Variants in DPYD observed in about 807,000 individuals in gnomAD.
DPYD encodes dihydropyrimidine dehydrogenase, also known as dihydropyrimidine dehydrogenase [NADP(+)].
DPYD carries 109 observed loss-of-function variants against 116.2 expected under a neutral mutation model. The observed-to-expected ratio is 0.94, with a 90% CI of 0.80 to 1.10. The LOEUF is 1.10. Ranked by LOEUF, DPYD falls within the 50% of genes least tolerant of loss-of-function variation. DPYD has a pLI of 0.00. For synonymous variants in DPYD, 440 were observed against 432.0 expected (o/e 1.02, Z -0.23); for missense variants, 1,302 against 1,254.5 (o/e 1.04, Z -0.57).
chr1:97,556,241 C>A (rs1254163966), intron 11 of DPYD, among the ~76,000 whole-genome samples: 1 of 152,180 alleles, frequency 6.6e-6, no homozygotes, highest in African/African-American at 2.4e-5. Flanking sequence ...GTCTTTTAGC[C>A]TGGCTTCTGT....
At chr1:97,768,700 C>A (rs561852548) in intron 3 of DPYD, among the ~76,000 whole-genome samples, 1 of 152,168 alleles carries the variant, frequency 6.6e-6, no homozygotes, top group African/African-American at 2.4e-5. Context: ...TGGCTAAAAA[C>A]TGATTTTCAT....
chr1:97,234,912 A>G lies in DPYD; in HGVS notation c.2382T>C (p.Gly794=). 1 of 1,614,082 alleles carries G rather than the reference A, an allele frequency of 6.2e-7. No individual in the cohort carries two copies. The highest frequency in any genetic ancestry group is 1.6e-4 in the Middle Eastern group (1 of 6,062). ...ALPGFPILAT[G]GIDSAESGLQ... is the part of the protein sequence containing the mutation. The stretch of plus-strand genomic sequence containing the variant: ...GACCACTTTCAGCAGAGTCAATTCC[A>G]CCAGTAGCCAAAATGGGAAATCCAG... Residue 794 remains glycine (G), a synonymous_variant, in exon 19 of 23, where the codon GGT becomes GGC. Coordinates refer to ENST00000370192, the MANE Select transcript of DPYD (RefSeq NM_000110.4).
chr1:97,529,691 TCTTTC>T (rs1017572773), intron 12 of DPYD, among the ~76,000 whole-genome samples: 56 of 150,848 alleles, frequency 3.7e-4, no homozygotes, highest in African/African-American at 1.3e-3. Context: ...TTCTTTTCTT[TCTTTC>T]CTTTCTTTTT....
intron 10 of DPYD, among the ~76,000 whole-genome samples, chr1:97,577,560 C>G (rs1653347836): frequency 6.6e-6 from 1 of 152,102 alleles, no homozygotes. Context: ...TCCATGCACT[C>G]CTAACCTCCG....
chr1:97,813,131 T>G (rs1668414708), intron 3 of DPYD, among the ~76,000 whole-genome samples: 1 of 152,166 alleles, frequency 6.6e-6, no homozygotes, highest in African/African-American at 2.4e-5. Flanking sequence ...TTAAATTATT[T>G]AATATAGCTT....
chr1:97,662,525 C>A (rs542241015), intron 8 of DPYD, among the ~76,000 whole-genome samples: 3 of 151,722 alleles, frequency 2.0e-5, no homozygotes, highest in Non-Finnish European at 4.4e-5. Flanking sequence ...CCCAGCTATT[C>A]GGGAAGCTGA....
intron 8 of DPYD, among the ~76,000 whole-genome samples, chr1:97,652,764 G>A (rs2786507): frequency 0.11 from 16,047 of 152,086 alleles, 987 homozygotes; most frequent in Admixed American, 0.15. Context: ...AAACTCAGAT[G>A]CTTTTTCACT....
At position 97,398,679 on chromosome 1, in the gene DPYD, C is replaced by A. The variant is rs561672022; in HGVS notation, c.1906-16218G>T. ...GGTATCTCATTGTGGTTTTGATTTGCATTTCTCTGATGGCCAGTGATGATG... is the reference window on the plus strand; with the variant it reads ...GGTATCTCATTGTGGTTTTGATTTGAATTTCTCTGATGGCCAGTGATGATG... On this transcript the variant is annotated intron_variant, in intron 14 of 22. Coordinates refer to ENST00000370192, the MANE Select transcript of DPYD (RefSeq NM_000110.4). 6.2e-4 allele frequency among the ~76,000 whole-genome samples: 95 copies of A among 152,282 alleles called. 1 individual carries two copies. Among genetic ancestry groups the A allele is most frequent in the South Asian group, 2.1e-3 (10 of 4,814 alleles).
At chr1:97,107,199 T>C (rs1190200125) in intron 20 of DPYD, among the ~76,000 whole-genome samples, 2 of 152,134 alleles carry the variant, frequency 1.3e-5, no homozygotes, top group African/African-American at 4.8e-5. Context: ...TTGTTGGTCA[T>C]CTTTCTGCAG....
chr1:97,913,710 C>T lies in DPYD; in HGVS notation c.39+7174G>A, dbSNP rs150215855. 6.7e-3 allele frequency among the ~76,000 whole-genome samples: 1,012 copies of T among 151,974 alleles called. 8 individuals are homozygous for T. Among genetic ancestry groups the T allele is most frequent in the Middle Eastern group, 0.031 (9 of 294 alleles). On this transcript the variant is annotated intron_variant, in intron 1 of 22. Transcript: ENST00000370192. ...GAATTTCATAAAGATTAAGATCTACCGGGTGAGTCAATTCTGTGTAGGTAC... is the reference window on the plus strand; with the variant it reads ...GAATTTCATAAAGATTAAGATCTACTGGGTGAGTCAATTCTGTGTAGGTAC...
intron 20 of DPYD, among the ~76,000 whole-genome samples, chr1:97,144,579 T>C (rs531201852): frequency 6.6e-6 from 1 of 152,320 alleles, no homozygotes; most frequent in Non-Finnish European, 1.5e-5. Flanking sequence ...AGTGTTCCCA[T>C]TTCTACAATA....
In DPYD at chr1:97,856,290, T is replaced by A. The variant is rs551234744; in HGVS notation, c.150+26974A>T. 7.9e-5 allele frequency: 12 copies of A among 152,242 alleles called. No homozygotes were observed. In the East Asian group the frequency reaches 1.5e-3, roughly 20 times the overall value. 9.4% of individuals were successfully genotyped at this position (152,242 alleles called of 1,614,324 possible). ...AAATGAAATATATTTTCACAAAATA[T>A]CCTATTTAGACTGTGTTTACCCCAT... On this transcript the variant is annotated intron_variant, in intron 2 of 22. Coordinates refer to ENST00000370192, the MANE Select transcript of DPYD (RefSeq NM_000110.4).
chr1:97,132,897 G>A (rs1432759704), intron 20 of DPYD, among the ~76,000 whole-genome samples: 4 of 151,964 alleles, frequency 2.6e-5, no homozygotes, highest in Non-Finnish European at 4.4e-5. Flanking sequence ...CCAAAGAGCT[G>A]AACCTATTTC....
At chr1:97,423,564 GTCC>G (rs1199632831) in intron 14 of DPYD, among the ~76,000 whole-genome samples, 1 of 152,094 alleles carries the variant, frequency 6.6e-6, no homozygotes, top group Non-Finnish European at 1.5e-5. Context: ...TTAATGCATT[GTCC>G]TAAAGCTCTA....
intron 5 of DPYD, chr1:97,720,769 A>C: frequency 6.8e-7 from 1 of 1,467,754 alleles, no homozygotes; most frequent in Middle Eastern, 1.9e-4. Flanking sequence ...AAGATTATAA[A>C]ATCTTACTAT....
At chr1:97,655,085 G>A (rs1162247337) in intron 8 of DPYD, among the ~76,000 whole-genome samples, 1 of 152,032 alleles carries the variant, frequency 6.6e-6, no homozygotes, top group Non-Finnish European at 1.5e-5. Flanking sequence ...AATTCAAGAT[G>A]AGGTTTGGGT....
At chr1:97,699,093 A>G (rs1329837021) in intron 6 of DPYD, among the ~76,000 whole-genome samples, 1 of 152,082 alleles carries the variant, frequency 6.6e-6, no homozygotes, top group Non-Finnish European at 1.5e-5. Flanking sequence ...ATTGGTTCTT[A>G]TAATCAAAAA....
At chr1:97,168,565 T>C (rs551119556) in intron 20 of DPYD, among the ~76,000 whole-genome samples, 8 of 152,222 alleles carry the variant, frequency 5.3e-5, no homozygotes, top group South Asian at 2.1e-4. Context: ...TATGTTCATC[T>C]GGTATGAGTT....
At chr1:97,778,193 AGAGAGAGAGAGAG>A (rs1666530878) in intron 3 of DPYD, among the ~76,000 whole-genome samples, 2 of 110,456 alleles carry the variant, frequency 1.8e-5, no homozygotes, top group African/African-American at 3.5e-5. Context: ...AAAGAAAGAG[AGAGAGAGAGAGAG>A]AGAGAGAGAG....
Sources: gnomAD v4.1 joint callset for allele counts (sites outside exome capture counted in the v4.1 genomes callset) on GRCh38, gnomAD v4.1.1 for gene constraint, MANE v1.5 for transcripts, NCBI Gene and HGNC (gene_info 2026-07-23, HGNC 2026-07-21) for gene names.